Variants in VWDE observed in about 807,000 individuals in gnomAD.
VWDE encodes the protein von Willebrand factor D and EGF domain-containing protein.
In VWDE, 207 loss-of-function variants were observed where a neutral mutation model predicts 178.4. The observed-to-expected ratio is 1.16, with a 90% CI of 1.04 to 1.30. The LOEUF is 1.30. Among genes scored for constraint, VWDE ranks in the 50% most tolerant of loss-of-function variants. The pLI, the probability that VWDE is intolerant of heterozygous loss-of-function variation, is 0.00. For missense variants in VWDE, 2,287 were observed against 1,901.3 expected, an observed-to-expected ratio of 1.20 and a Z score of -3.77; for synonymous variants, 738 against 651.4, an observed-to-expected ratio of 1.13 and a Z score of -2.02.
chr7:12,355,861 T>C (rs1782215248), intron 18 of VWDE, among the ~76,000 whole-genome samples: 2 of 152,214 alleles, frequency 1.3e-5, no homozygotes, highest in Non-Finnish European at 2.9e-5. Flanking sequence ...TAGGAATGTT[T>C]AGGAACCTGC....
At position 12,374,705 on chromosome 7, in the gene VWDE, T is replaced by TTA. The variant is rs1783413876; in HGVS notation, c.1298_1299dup (p.Ile434Ter). 1 of 1,536,338 alleles carries TTA rather than the reference T, an allele frequency of 6.5e-7. No individual in the cohort carries two copies. On this transcript the variant is annotated frameshift_variant, in exon 9 of 29. Transcript: ENST00000275358. LOFTEE classifies it high-confidence loss of function. Reference sequence around the variant, plus strand: ...GAAAATTACCTGCCATCAAATGTAATTATATGTGGGTCAGTAAATGTATAG... The same window carrying TTA: ...GAAAATTACCTGCCATCAAATGTAATTATATATGTGGGTCAGTAAATGTATAG...
intron 1 of VWDE, among the ~76,000 whole-genome samples, chr7:12,398,809 G>A (rs1784745310): frequency 6.6e-6 from 1 of 152,028 alleles, no homozygotes; most frequent in Non-Finnish European, 1.5e-5. Flanking sequence ...ACCAAATACT[G>A]CATGTTCTCG....
chr7:12,357,462 C>A lies in VWDE; in HGVS notation c.3328G>T (p.Gly1110Cys). 6 of 1,552,006 alleles carry A rather than the reference C, an allele frequency of 3.9e-6. No individual in the cohort carries two copies. The highest frequency in any genetic ancestry group is 1.2e-5 in the South Asian group (1 of 84,050). The change falls in exon 17 of 29, where the codon GGT becomes TGT. Residue 1110 changes from glycine to cysteine, a missense_variant. Gly to Cys is a radical substitution (Grantham distance 159). Transcript: ENST00000275358. ...ACGAACTGATACTCAAAGTTTTCAC[C>A]ATAAAATGTCTGTAATTTGTCTTGC... ...ALQDKLQTFYGENFEYQFVAF... is the reference protein window; with the variant it reads ...ALQDKLQTFYCENFEYQFVAF...
intron 18 of VWDE, among the ~76,000 whole-genome samples, chr7:12,352,690 T>C (rs1340794581): frequency 1.3e-5 from 2 of 152,148 alleles, no homozygotes; most frequent in Non-Finnish European, 2.9e-5. Flanking sequence ...TCCTATACTG[T>C]GTTGCTCATA....
At chr7:12,343,059 A>G (rs1562465204) in intron 22 of VWDE, 24 bp downstream of exon 22, 1 of 1,517,526 alleles carries the variant, frequency 6.6e-7, no homozygotes, top group Non-Finnish European at 8.9e-7. Context: ...TCATTATATC[A>G]GACATCAGGA....
At position 12,337,761 on chromosome 7, in the gene VWDE, T is replaced by A. The variant is rs562239779; in HGVS notation, c.4367-489A>T. On this transcript the variant is annotated intron_variant, in intron 24 of 28. Coordinates refer to ENST00000275358, the MANE Select transcript of VWDE (RefSeq NM_001135924.3). ...TATGTGACTTATTCCAGAGAATGCT[T>A]GGTAAAAATATTTTTAACAATAAAT... 1.1e-4 allele frequency among the ~76,000 whole-genome samples: 16 copies of A among 152,282 alleles called. No individual in the cohort carries two copies. The East Asian group carries it at 3.1e-3, about 29-fold the overall frequency.
In VWDE at chr7:12,403,838, GA is replaced by G. The variant is rs113106108; in HGVS notation, c.-123del. 4.6e-5 allele frequency: 48 copies of G among 1,054,812 alleles called. 1 individual carries two copies. The African/African-American group carries it at 4.8e-4, about 10-fold the overall frequency. The allele number at this position is 1,054,812 out of a possible 1,614,324, so 65.3% of individuals were successfully genotyped here. Reference sequence around the variant, plus strand: ...GATTTTCTCAGTCTGTTGCTGCTTGGAACAGGGAAGCTCCGCGTCCTCGTTC... The same window carrying G: ...GATTTTCTCAGTCTGTTGCTGCTTGGACAGGGAAGCTCCGCGTCCTCGTTC... On this transcript the variant is annotated 5_prime_UTR_variant, in exon 1 of 29. Coordinates refer to ENST00000275358, the MANE Select transcript of VWDE (RefSeq NM_001135924.3).
rs1783454397 is a variant in VWDE at position 12,375,155 on chromosome 7, G to C, written c.1097C>G (p.Ala366Gly). ...AAAAGTGTGGCTACAGGTTCCATTA[G>C]CACAGGAAGATGTCTGGAGAAGGTC... ...HVDLLQTSSC[A>G]NGTCSHTFVY... is the part of the protein sequence containing the mutation. The change falls in exon 8 of 29, where the codon GCT (alanine) becomes GGT (glycine). Residue 366 changes from alanine (A) to glycine (G), a missense_variant. By Grantham distance (60) the Ala-to-Gly change is moderately conservative (BLOSUM62 0). Transcript: ENST00000275358. 1 of 1,551,080 alleles carries C rather than the reference G, an allele frequency of 6.4e-7. No individual in the cohort carries two copies. The highest frequency in any genetic ancestry group is 2.4e-5 in the East Asian group (1 of 40,890).
intron 6 of VWDE, among the ~76,000 whole-genome samples, chr7:12,378,139 C>T (rs1783640926): frequency 6.6e-6 from 1 of 152,178 alleles, no homozygotes; most frequent in Non-Finnish European, 1.5e-5. Flanking sequence ...GAGTTTGACT[C>T]ACTTTGGTTC....
chr7:12,371,150 C>T (rs931028507), intron 10 of VWDE, among the ~76,000 whole-genome samples: 1 of 151,976 alleles, frequency 6.6e-6, no homozygotes, highest in Non-Finnish European at 1.5e-5. Context: ...ATAATTTATA[C>T]AATTAATACA....
In VWDE at chr7:12,367,466, C is replaced by T. The variant is rs552553943; in HGVS notation, c.2789G>A (p.Gly930Glu). The T allele has an allele frequency of 2.6e-6, 4 of 1,529,814 alleles. No homozygotes were observed. The South Asian group carries it at 3.8e-5, about 14-fold the overall frequency. 94.8% of individuals were successfully genotyped at this position (1,529,814 alleles called of 1,614,324 possible). A position where few individuals can be genotyped will look rare whatever the true frequency, so the allele number is the denominator to read the frequency against. ...YDKAPEITEL[G>E]NAGFCDVQKY... Reference sequence around the variant, plus strand: ...TTGAACATCACAGAATCCAGCATTCCCAAGCTCTGTAATTTCAGGAGCTTT... The same window carrying T: ...TTGAACATCACAGAATCCAGCATTCTCAAGCTCTGTAATTTCAGGAGCTTT... Residue 930 changes from glycine (G) to glutamate (E), a missense_variant, in exon 13 of 29, where the codon GGG becomes GAG. Gly to Glu is a moderately conservative substitution (Grantham distance 98, BLOSUM62 -2). Coordinates refer to ENST00000275358, the MANE Select transcript of VWDE (RefSeq NM_001135924.3).
In VWDE at chr7:12,353,717, C is replaced by T. The variant is rs191784532; in HGVS notation, c.3746-2004G>A. 2.1e-3 allele frequency: 318 copies of T among 152,334 alleles called. 5 individuals are homozygous for T. The highest frequency in any genetic ancestry group is 4.4e-4 in the Non-Finnish European group (30 of 68,044). The allele number at this position is 152,334 out of a possible 1,614,324, so 9.4% of individuals were successfully genotyped here. On this transcript the variant is annotated intron_variant, in intron 18 of 28. Transcript: ENST00000275358. ...AAGTGGTCCATCCTACACACTGCTC[C>T]TTAAACTATCTCACATGTAAACTGT...
At chr7:12,376,342 T>C (rs1385132141) in intron 7 of VWDE, among the ~76,000 whole-genome samples, 3 of 152,082 alleles carry the variant, frequency 2.0e-5, no homozygotes, top group Non-Finnish European at 2.9e-5. Context: ...AATGCTACTG[T>C]ACTTAAAGAG....
At chr7:12,378,545 T>C (rs1271424964) in intron 6 of VWDE, among the ~76,000 whole-genome samples, 1 of 152,126 alleles carries the variant, frequency 6.6e-6, no homozygotes, top group African/African-American at 2.4e-5. Flanking sequence ...TCAAAACAGA[T>C]GATTCTTAAT....
In VWDE at chr7:12,390,116, GATCGCA is replaced by G. The variant is rs543137574; in HGVS notation, c.244-764_244-759del. ...GGAGGTGGAGGCTGCAGTGAGCTGA[GATCGCA>G]CCACTGCACTCCAGCCTGGGCGACA... is the stretch of plus-strand genomic sequence containing the variant. On this transcript the variant is annotated intron_variant, in intron 2 of 28. Coordinates refer to ENST00000275358, the MANE Select transcript of VWDE (RefSeq NM_001135924.3). 2.1e-3 allele frequency among the ~76,000 whole-genome samples: 312 copies of G among 150,038 alleles called. 1 individual carries two copies. Among genetic ancestry groups the G allele is most frequent in the African/African-American group, 7.2e-3 (293 of 40,658 alleles).
At chr7:12,358,209 T>C (rs1013986858) in intron 16 of VWDE, among the ~76,000 whole-genome samples, 1 of 152,096 alleles carries the variant, frequency 6.6e-6, no homozygotes, top group Non-Finnish European at 1.5e-5. Flanking sequence ...AAACCCTGTC[T>C]CTACTAAAAA....
intron 15 of VWDE, among the ~76,000 whole-genome samples, chr7:12,360,128 A>G (rs1243210835): frequency 6.6e-6 from 1 of 152,170 alleles, no homozygotes; most frequent in Non-Finnish European, 1.5e-5. Context: ...AACACAGCCA[A>G]CTAGACCAGA....
intron 13 of VWDE, among the ~76,000 whole-genome samples, chr7:12,364,753 C>A (rs1167534139): frequency 6.6e-6 from 1 of 151,952 alleles, no homozygotes; most frequent in Non-Finnish European, 1.5e-5. Context: ...TAGTTGGATG[C>A]TAAAATTAGG....
intron 1 of VWDE, 83 bp downstream of exon 1, chr7:12,403,576 T>A: frequency 7.5e-7 from 1 of 1,339,858 alleles, no homozygotes; most frequent in Non-Finnish European, 1.0e-6. Flanking sequence ...GCTCCCCAAG[T>A]CGTCCAAAAA....
Sources: gnomAD v4.1 joint callset for allele counts (sites outside exome capture counted in the v4.1 genomes callset) on GRCh38, gnomAD v4.1.1 for gene constraint, MANE v1.5 for transcripts, NCBI Gene and HGNC (gene_info 2026-07-23, HGNC 2026-07-21) for gene names.